The following EYS variants were observed in gnomAD, a reference collection of about 807,000 sequenced individuals.
EYS encodes EGF-like photoreceptor maintenance factor, also known as protein eyes shut homolog.
Under a neutral mutation model 282.1 loss-of-function variants are expected in EYS, and 250 were observed. The observed-to-expected ratio is 0.89, with a 90% CI of 0.80 to 0.98. The LOEUF (loss-of-function observed/expected upper bound fraction) is 0.98, where lower values mean the gene tolerates loss of function less well. Among genes scored for constraint, EYS ranks in the 50% least tolerant of loss-of-function variants. The pLI, the probability that EYS is intolerant of heterozygous loss-of-function variation, is 0.00. For synonymous variants in EYS, 1,355 were observed against 1,282.9 expected (o/e 1.06, Z -1.20); for missense variants, 4,016 against 3,709.0 (o/e 1.08, Z -2.15).
At chr6:64,320,590 T>C (rs1770178488) in intron 29 of EYS, among the ~76,000 whole-genome samples, 2 of 151,946 alleles carry the variant, frequency 1.3e-5, no homozygotes, top group South Asian at 4.1e-4. Flanking sequence ...TTCTCCTATT[T>C]TTCTTCAGTC....
chr6:64,057,667 T>G (rs1000077969), intron 33 of EYS, among the ~76,000 whole-genome samples: 2 of 152,190 alleles, frequency 1.3e-5, no homozygotes, highest in African/African-American at 4.8e-5. Context: ...TCTGTTTAGC[T>G]CATATACCTT....
At chr6:65,016,029 G>A (rs1277229923) in intron 13 of EYS, among the ~76,000 whole-genome samples, 1 of 148,844 alleles carries the variant, frequency 6.7e-6, no homozygotes, top group African/African-American at 2.5e-5. Context: ...TGGCAGCAGA[G>A]CGAGACTCCA....
chr6:64,089,504 A>G (rs1427627593), intron 31 of EYS, among the ~76,000 whole-genome samples: 1 of 149,690 alleles, frequency 6.7e-6, no homozygotes, highest in Non-Finnish European at 1.5e-5. Context: ...TAAATATAAT[A>G]CTGTATATCC....
chr6:64,106,240 T>C (rs183607140), intron 31 of EYS, among the ~76,000 whole-genome samples: 10 of 152,228 alleles, frequency 6.6e-5, no homozygotes, highest in African/African-American at 1.4e-4. Context: ...AAAAACTTTT[T>C]TAGTGGTTGC....
intron 15 of EYS, among the ~76,000 whole-genome samples, chr6:64,938,647 T>G (rs1268210696): frequency 4.0e-5 from 6 of 151,620 alleles, no homozygotes; most frequent in Admixed American, 4.0e-4. Flanking sequence ...ACATGAGATA[T>G]TCAATAATTT....
At chr6:65,017,114 C>T (rs183154363) in intron 13 of EYS, among the ~76,000 whole-genome samples, 11 of 152,242 alleles carry the variant, frequency 7.2e-5, no homozygotes, top group Admixed American at 5.9e-4. Context: ...ACTCTATTTA[C>T]ATTGGACAAA....
chr6:64,412,937 GCTAA>G (rs1773948502), intron 28 of EYS, among the ~76,000 whole-genome samples: 1 of 152,050 alleles, frequency 6.6e-6, no homozygotes, highest in Non-Finnish European at 1.5e-5. Flanking sequence ...ATGGAGAAGT[GCTAA>G]CTAATTTAGC....
chr6:64,213,861 C>A (rs1765855091), intron 31 of EYS, among the ~76,000 whole-genome samples: 1 of 152,150 alleles, frequency 6.6e-6, no homozygotes, highest in Non-Finnish European at 1.5e-5. Flanking sequence ...ATACACATAA[C>A]GGTTTGGGCT....
At chr6:64,977,189 T>A (rs9453140) in intron 14 of EYS, among the ~76,000 whole-genome samples, 89,266 of 151,852 alleles carry the variant, frequency 0.59, 28,345 homozygotes, top group African/African-American at 0.85. Flanking sequence ...CACTGCACGT[T>A]GCCTTATCAG....
intron 31 of EYS, among the ~76,000 whole-genome samples, chr6:64,133,206 C>T (rs1445886090): frequency 6.6e-6 from 1 of 151,760 alleles, no homozygotes; most frequent in Non-Finnish European, 1.5e-5. Context: ...TACTCTTGTT[C>T]ACATTTTTTA....
intron 12 of EYS, among the ~76,000 whole-genome samples, chr6:65,098,168 C>T (rs1439334158): frequency 6.6e-6 from 1 of 150,468 alleles, no homozygotes; most frequent in Non-Finnish European, 1.5e-5. Context: ...TATAAGAATG[C>T]TTTTCTTTTC....
intron 29 of EYS, among the ~76,000 whole-genome samples, chr6:64,338,995 T>G (rs1770980794): frequency 1.3e-5 from 2 of 151,896 alleles, no homozygotes; most frequent in South Asian, 2.1e-4. Context: ...CAAGATGGAT[T>G]AAGGACTTAA....
At position 64,821,634 on chromosome 6, in the gene EYS, A is replaced by C. The variant is rs779765817; in HGVS notation, c.3243+11T>G. The C allele has an allele frequency of 7.3e-7, 1 of 1,378,232 alleles. No homozygotes were observed. The highest frequency in any genetic ancestry group is 9.9e-7 in the Non-Finnish European group (1 of 1,012,144). The allele number at this position is 1,378,232 out of a possible 1,614,324, so 85.4% of individuals were successfully genotyped here. On this transcript the variant is annotated intron_variant, in intron 21 of 42. Coordinates refer to ENST00000503581, the MANE Select transcript of EYS (RefSeq NM_001142800.2). ...TTTGTCATATAACTTGAATAAAATT[A>C]TAAGACTTACATTAATTTTGATCTT... is the stretch of plus-strand genomic sequence containing the variant.
intron 12 of EYS, among the ~76,000 whole-genome samples, chr6:65,156,345 G>A (rs571931424): frequency 4.0e-5 from 6 of 150,970 alleles, no homozygotes; most frequent in Admixed American, 6.6e-5. Flanking sequence ...ACCATATCCC[G>A]TATTCTTGTA....
intron 15 of EYS, among the ~76,000 whole-genome samples, chr6:64,918,940 C>T (rs1267893950): frequency 6.6e-6 from 1 of 152,064 alleles, no homozygotes; most frequent in Non-Finnish European, 1.5e-5. Flanking sequence ...ACAAATAATA[C>T]TAGGAATAAA....
intron 12 of EYS, among the ~76,000 whole-genome samples, chr6:65,282,043 A>G (rs1336710575): frequency 2.0e-5 from 3 of 151,728 alleles, no homozygotes; most frequent in Non-Finnish European, 2.9e-5. Flanking sequence ...AGTCATAGCA[A>G]CAGAGTAGAG....
intron 31 of EYS, among the ~76,000 whole-genome samples, chr6:64,221,615 C>T (rs1005486523): frequency 4.6e-5 from 7 of 152,058 alleles, no homozygotes; most frequent in Non-Finnish European, 8.8e-5. Flanking sequence ...GTTTTGCTTT[C>T]CTCAGTTTCA....
chr6:64,249,262 T>C (rs1410897438), intron 30 of EYS, among the ~76,000 whole-genome samples: 1 of 152,090 alleles, frequency 6.6e-6, no homozygotes, highest in Non-Finnish European at 1.5e-5. Flanking sequence ...CGTTATCTTA[T>C]TTGAAATAAG....
intron 33 of EYS, among the ~76,000 whole-genome samples, chr6:64,007,449 G>GT (rs375927923): frequency 6.1e-4 from 92 of 151,554 alleles, no homozygotes; most frequent in African/African-American, 2.1e-3. Context: ...AAACACATAG[G>GT]TTTTTTGATC....
Sources: gnomAD v4.1 joint callset for allele counts (sites outside exome capture counted in the v4.1 genomes callset) on GRCh38, gnomAD v4.1.1 for gene constraint, MANE v1.5 for transcripts, NCBI Gene and HGNC (gene_info 2026-07-23, HGNC 2026-07-21) for gene names.